PCDH19: variants seen among roughly 807,000 people sequenced by gnomAD.
The protein encoded by PCDH19 is protocadherin 19, also known as protocadherin-19.
In PCDH19, 6 loss-of-function variants were observed where a neutral mutation model predicts 46.2. The observed-to-expected ratio is 0.13, with a 90% CI of 0.07 to 0.26. PCDH19 has a LOEUF of 0.26. PCDH19 is among the 10% of genes least tolerant of loss of function. The pLI is 1.00. For missense variants in PCDH19, 740 were observed against 972.3 expected, an observed-to-expected ratio of 0.76 and a Z score of 3.18; for synonymous variants, 481 against 415.7, an observed-to-expected ratio of 1.16 and a Z score of -1.91.
At chrX:100,348,559 G>T (rs1232887425) in intron 4 of PCDH19, among the ~76,000 whole-genome samples, 2 of 111,232 alleles carry the variant, frequency 1.8e-5, no homozygotes, top group Non-Finnish European at 3.8e-5. Context: ...CTTCATCAAG[G>T]TGGTCCCTGG....
chrX:100,343,458 C>G (rs758581172), intron 4 of PCDH19, among the ~76,000 whole-genome samples: 1 of 112,255 alleles, frequency 8.9e-6, no homozygotes, highest in South Asian at 3.7e-4. Context: ...AAACTTTCAG[C>G]TCAAGTGTTG....
Position 100,295,559 on chromosome X carries a change from T to C in PCDH19, c.*718A>G, listed in dbSNP as rs2147444625. ...CAATCTATATGCATGGTGTTGCTCATTCATTTGCTGTCTCAGTTGTTTGCA... is the reference window on the plus strand; with the variant it reads ...CAATCTATATGCATGGTGTTGCTCACTCATTTGCTGTCTCAGTTGTTTGCA... On this transcript the variant is annotated 3_prime_UTR_variant, in exon 6 of 6. Coordinates refer to ENST00000373034, the MANE Select transcript of PCDH19 (RefSeq NM_001184880.2). The C allele has an allele frequency of 8.9e-6, 1 of 112,604 alleles. No individual in the cohort carries two copies. Among genetic ancestry groups the C allele is most frequent in the Non-Finnish European group, 1.9e-5 (1 of 53,393 alleles). 9.3% of individuals were successfully genotyped at this position (112,604 alleles called of 1,213,427 possible).
At position 100,408,276 on chromosome X, in the gene PCDH19, T is replaced by G; in HGVS notation, c.322A>C (p.Ser108Arg). 8.3e-7 allele frequency: 1 copy of G among 1,211,762 alleles called. No homozygotes were observed. Among genetic ancestry groups the G allele is most frequent in the Non-Finnish European group, 1.1e-6 (1 of 895,431 alleles). Residue 108 changes from serine (S) to arginine (R), a missense_variant, in exon 1 of 6, where the codon AGC (serine) becomes CGC (arginine). By Grantham distance (110) the Ser-to-Arg change is moderately radical. Around this residue, in one of 5 missense-constraint regions of PCDH19, gnomAD observed 81 missense variants for 96.5 expected, o/e 0.84. Coordinates refer to ENST00000373034, the MANE Select transcript of PCDH19 (RefSeq NM_001184880.2). ...TTTATCACGCAGATTTCCATTGAGC[T>G]GGACATGACCTCGAGCGAGATGATG... ...KCIISLEVMS[S>R]SMEICVIKVE...
At chrX:100,322,569 G>A (rs1925527302) in intron 5 of PCDH19, among the ~76,000 whole-genome samples, 1 of 107,897 alleles carries the variant, frequency 9.3e-6, no homozygotes. Flanking sequence ...GTCTTGCTTT[G>A]GCTACGCAGG....
intron 5 of PCDH19, among the ~76,000 whole-genome samples, chrX:100,326,946 C>T (rs1454517589): frequency 1.8e-5 from 2 of 111,561 alleles, no homozygotes; most frequent in East Asian, 5.6e-4. Flanking sequence ...GATCCTCTTC[C>T]CCCCACCACT....
intron 3 of PCDH19, among the ~76,000 whole-genome samples, chrX:100,373,450 C>A (rs1195171541): frequency 9.7e-5 from 11 of 112,850 alleles, no homozygotes; most frequent in African/African-American, 3.5e-4. Context: ...CAGTTTTTAA[C>A]CTCTCCCTTT....
chrX:100,403,073 C>A (rs951023896), intron 2 of PCDH19, among the ~76,000 whole-genome samples: 1 of 111,090 alleles, frequency 9.0e-6, no homozygotes, highest in Non-Finnish European at 1.9e-5. Flanking sequence ...CCAACCCCCC[C>A]TAAAAAAGTT....
Position 100,409,154 on chromosome X carries a change from G to A in PCDH19, c.-557C>T, listed in dbSNP as rs932983943. On this transcript the variant is annotated 5_prime_UTR_variant, in exon 1 of 6. Coordinates refer to ENST00000373034, the MANE Select transcript of PCDH19 (RefSeq NM_001184880.2). ...CAGCGCTCCCAGTTCACTGCGGAGAGAGTACCCGCTTGGAATGCGCCCTCC... is the reference window on the plus strand; with the variant it reads ...CAGCGCTCCCAGTTCACTGCGGAGAAAGTACCCGCTTGGAATGCGCCCTCC... 1.8e-5 allele frequency: 2 copies of A among 113,233 alleles called. No homozygotes were observed. The highest frequency in any genetic ancestry group is 6.4e-5 in the African/African-American group (2 of 31,115). 9.3% of individuals were successfully genotyped at this position (113,233 alleles called of 1,213,427 possible). A position where few individuals can be genotyped will look rare whatever the true frequency, so the allele number is the denominator to read the frequency against.
chrX:100,335,078 A>G (rs1926045090), intron 5 of PCDH19, among the ~76,000 whole-genome samples: 2 of 111,666 alleles, frequency 1.8e-5, no homozygotes, highest in African/African-American at 6.5e-5. Flanking sequence ...TTCTAACAAC[A>G]GGGAGGTTTC....
At chrX:100,398,405 A>G (rs1021203297) in intron 3 of PCDH19, among the ~76,000 whole-genome samples, 15 of 112,538 alleles carry the variant, frequency 1.3e-4, no homozygotes, top group African/African-American at 4.8e-4. Context: ...TAGAGCCAAC[A>G]ATGTTCAGAT....
At position 100,410,062 on chromosome X, in the gene PCDH19, A is replaced by G; in HGVS notation, c.-1465T>C. 1 of 296,357 alleles carries G rather than the reference A, an allele frequency of 3.4e-6. No homozygotes were observed. The highest frequency in any genetic ancestry group is 5.9e-6 in the Non-Finnish European group (1 of 170,149). The allele number at this position is 296,357 out of a possible 1,213,427, so 24.4% of individuals were successfully genotyped here. On this transcript the variant is annotated 5_prime_UTR_variant, in exon 1 of 6. Coordinates refer to ENST00000373034, the MANE Select transcript of PCDH19 (RefSeq NM_001184880.2). ...ATGGGTTTGGGGTAGGAGGTTTAGGATTTCGGATGAAATCGCTCAGCCGGA... is the reference window on the plus strand; with the variant it reads ...ATGGGTTTGGGGTAGGAGGTTTAGGGTTTCGGATGAAATCGCTCAGCCGGA...
At chrX:100,350,555 C>A (rs1602600366) in intron 4 of PCDH19, 91 bp downstream of exon 4, 1 of 634,820 alleles carries the variant, frequency 1.6e-6, no homozygotes, top group Non-Finnish European at 2.5e-6. Flanking sequence ...TAAAATCCCC[C>A]AAAAAAATAC....
intron 5 of PCDH19, among the ~76,000 whole-genome samples, chrX:100,321,165 T>G (rs774197169): frequency 1.8e-5 from 2 of 112,063 alleles, no homozygotes; most frequent in African/African-American, 3.2e-5. Context: ...ATACCACAGC[T>G]TCTTTGATGG....
At chrX:100,342,096 T>C in intron 4 of PCDH19, 21 bp from the exon 5 acceptor site, 1 of 1,189,911 alleles carries the variant, frequency 8.4e-7, no homozygotes, top group East Asian at 3.0e-5. Context: ...GACAGAATGA[T>C]AATTTACGAC....
intron 3 of PCDH19, among the ~76,000 whole-genome samples, chrX:100,378,186 C>A (rs963703809): frequency 8.0e-5 from 9 of 112,566 alleles, no homozygotes; most frequent in African/African-American, 2.9e-4. Flanking sequence ...CTGGCAGTAC[C>A]ACTTGCTCCA....
chrX:100,387,582 A>AT (rs770250283), intron 3 of PCDH19, among the ~76,000 whole-genome samples: 199 of 112,046 alleles, frequency 1.8e-3, no homozygotes, highest in Non-Finnish European at 3.1e-3. Flanking sequence ...GATAAAGCCT[A>AT]TATCATTTCT....
chrX:100,402,443 G>C, intron 3 of PCDH19, 81 bp downstream of exon 3: 1 of 850,752 alleles, frequency 1.2e-6, no homozygotes, highest in East Asian at 3.2e-5. Flanking sequence ...GGATGTGCCA[G>C]CACAGCAGCT....
At chrX:100,341,231 G>A in intron 5 of PCDH19, among the ~76,000 whole-genome samples, 1 of 111,813 alleles carries the variant, frequency 8.9e-6, no homozygotes, top group Non-Finnish European at 1.9e-5. Flanking sequence ...CTTCATACAT[G>A]AGGATGCCAC....
rs906061635 is a variant in PCDH19, at chrX:100,296,088, C to T, written c.*189G>A. The T allele has an allele frequency of 3.8e-5, 17 of 453,151 alleles. No individual in the cohort carries two copies. The highest frequency in any genetic ancestry group is 6.5e-5 in the Non-Finnish European group (17 of 261,759). 37.3% of individuals were successfully genotyped at this position (453,151 alleles called of 1,213,427 possible). Reference sequence around the variant, plus strand: ...TCAAGCCAAAGCTAATTTGCTCCAACTGAACACCCCTGCTGCCTGTTGAAA... The same window carrying T: ...TCAAGCCAAAGCTAATTTGCTCCAATTGAACACCCCTGCTGCCTGTTGAAA... On this transcript the variant is annotated 3_prime_UTR_variant, in exon 6 of 6. Coordinates refer to ENST00000373034, the MANE Select transcript of PCDH19 (RefSeq NM_001184880.2).
Sources: gnomAD v4.1 joint callset for allele counts (sites outside exome capture counted in the v4.1 genomes callset) on GRCh38, gnomAD v4.1.1 for gene constraint, gnomAD v4.1.1 regional missense constraint, MANE v1.5 for transcripts, NCBI Gene and HGNC (gene_info 2026-07-23, HGNC 2026-07-21) for gene names.